Variants in SNX8 observed in about 807,000 individuals in gnomAD.
SNX8 encodes sorting nexin-8.
Under a neutral mutation model 51.6 loss-of-function variants are expected in SNX8, and 25 were observed. That is an observed-to-expected ratio of 0.48 (90% CI 0.35 to 0.68). SNX8 has a LOEUF of 0.68. Ranked by LOEUF, SNX8 falls within the 30% of genes least tolerant of loss-of-function variation. The pLI, the probability that SNX8 is intolerant of heterozygous loss-of-function variation, is 0.00. For synonymous variants in SNX8, 324 were observed against 277.0 expected (o/e 1.17, Z -1.68); for missense variants, 695 against 624.0 (o/e 1.11, Z -1.21).
At position 2,268,266 on chromosome 7, in the gene SNX8, G is replaced by A. The variant is rs1285802800; in HGVS notation, c.621+1293C>T. On this transcript the variant is annotated intron_variant, in intron 5 of 10. Coordinates refer to ENST00000222990, the MANE Select transcript of SNX8 (RefSeq NM_013321.4). Reference sequence around the variant, plus strand: ...TGGGAGGTGAGGAGCGTCTCTGCCCGGCCGCCCCGTCTGAGAAGTGAGGAG... The same window carrying A: ...TGGGAGGTGAGGAGCGTCTCTGCCCAGCCGCCCCGTCTGAGAAGTGAGGAG... 3.5e-5 allele frequency among the ~76,000 whole-genome samples: 5 copies of A among 142,218 alleles called. No homozygotes were observed. The South Asian group carries it at 6.8e-4, about 19-fold the overall frequency. 93.3% of individuals were successfully genotyped at this position (142,218 alleles called of 152,430 possible). A position where few individuals can be genotyped will look rare whatever the true frequency, so the allele number is the denominator to read the frequency against.
At position 2,254,641 on chromosome 7, in the gene SNX8, TGCAGGGCA is replaced by T. The variant is rs1795129952; in HGVS notation, c.*407_*414del. On this transcript the variant is annotated 3_prime_UTR_variant, in exon 11 of 11. Coordinates refer to ENST00000222990, the MANE Select transcript of SNX8 (RefSeq NM_013321.4). The stretch of plus-strand genomic sequence containing the variant: ...TCCGTGGTCAGTCCCATGCCTGGGC[TGCAGGGCA>T]GCCCTGCCCTCTCTCCTCGGCTGAC... The T allele has an allele frequency of 2.5e-5, 5 of 203,374 alleles. No individual in the cohort carries two copies. The South Asian group carries it at 3.9e-4, about 16-fold the overall frequency. The allele number at this position is 203,374 out of a possible 1,614,324, so 12.6% of individuals were successfully genotyped here.
At chr7:2,261,560 T>G (rs1795337308) in intron 7 of SNX8, among the ~76,000 whole-genome samples, 1 of 152,154 alleles carries the variant, frequency 6.6e-6, no homozygotes, top group Non-Finnish European at 1.5e-5. Context: ...AGACACACAA[T>G]GCATAGGGCA....
At chr7:2,281,741 G>C (rs997065717) in intron 1 of SNX8, among the ~76,000 whole-genome samples, 2 of 152,156 alleles carry the variant, frequency 1.3e-5, no homozygotes, top group African/African-American at 4.8e-5. Context: ...ATCTGGCTCA[G>C]AGAGATCCTG....
intron 4 of SNX8, among the ~76,000 whole-genome samples, chr7:2,271,109 T>C (rs1263861807): frequency 6.6e-6 from 1 of 152,100 alleles, no homozygotes; most frequent in Non-Finnish European, 1.5e-5. Flanking sequence ...AGTGGCACAA[T>C]CACAGCTCAC....
In SNX8 at chr7:2,264,516, C is replaced by T. The variant is rs955633819; in HGVS notation, c.622-58G>A. The T allele has an allele frequency of 3.9e-5, 60 of 1,527,530 alleles. 1 individual carries two copies. The highest frequency in any genetic ancestry group is 1.4e-4 in the African/African-American group (10 of 73,412). The allele number at this position is 1,527,530 out of a possible 1,614,324, so 94.6% of individuals were successfully genotyped here. On this transcript the variant is annotated intron_variant, in intron 5 of 10. Transcript: ENST00000222990. ...TAGTCGCTGGGGAGCACCTGTCAGA[C>T]GGCAGCAGCCGGTCCCCCAGAAGCT...
intron 7 of SNX8, among the ~76,000 whole-genome samples, chr7:2,258,994 G>A (rs960131692): frequency 1.3e-5 from 2 of 152,114 alleles, no homozygotes; most frequent in South Asian, 2.1e-4. Flanking sequence ...CGGCCTCCCC[G>A]GCTTACACCA....
At chr7:2,267,197 A>C (rs942877847) in intron 5 of SNX8, among the ~76,000 whole-genome samples, 10 of 152,392 alleles carry the variant, frequency 6.6e-5, no homozygotes, top group Middle Eastern at 3.4e-3. Flanking sequence ...AGATGTCAGC[A>C]TAATCCCTGC....
intron 3 of SNX8, among the ~76,000 whole-genome samples, chr7:2,273,015 T>C (rs1027789813): frequency 6.7e-6 from 1 of 150,146 alleles, no homozygotes; most frequent in Non-Finnish European, 1.5e-5. Flanking sequence ...TATACTTTTA[T>C]TAGAGAGGAG....
chr7:2,265,084 G>T (rs1472372207), intron 5 of SNX8, among the ~76,000 whole-genome samples: 1 of 152,190 alleles, frequency 6.6e-6, no homozygotes, highest in Non-Finnish European at 1.5e-5. Flanking sequence ...GCCGGGCGCA[G>T]TGGCTCACGC....
At chr7:2,276,487 G>A (rs544129436) in intron 2 of SNX8, among the ~76,000 whole-genome samples, 93 of 152,296 alleles carry the variant, frequency 6.1e-4, no homozygotes, top group Non-Finnish European at 1.1e-3. Context: ...CAGAGCAGAC[G>A]GCAGGGAGGG....
intron 1 of SNX8, among the ~76,000 whole-genome samples, chr7:2,289,211 G>A (rs184921140): frequency 3.9e-5 from 6 of 152,200 alleles, no homozygotes; most frequent in Admixed American, 1.3e-4. Flanking sequence ...CCTCTGCTGC[G>A]GGGCATCTGG....
chr7:2,287,710 C>G (rs568174202), intron 1 of SNX8, among the ~76,000 whole-genome samples: 2 of 151,348 alleles, frequency 1.3e-5, no homozygotes, highest in Admixed American at 6.6e-5. Flanking sequence ...GAGATCGCAC[C>G]ACACTGCACT....
chr7:2,313,542 AAAG>A (rs1016335614), intron 1 of SNX8, among the ~76,000 whole-genome samples: 23 of 151,518 alleles, frequency 1.5e-4, no homozygotes, highest in Non-Finnish European at 2.7e-4. Flanking sequence ...AAAAAAAAGA[AAAG>A]AAAAGAAAAA....
rs564116060 is a variant in SNX8, at chr7:2,259,435, C to A, written c.916-1632G>T. 9.8e-5 allele frequency among the ~76,000 whole-genome samples: 15 copies of A among 152,338 alleles called. No individual in the cohort carries two copies. The South Asian group carries it at 2.9e-3, about 29-fold the overall frequency. On this transcript the variant is annotated intron_variant, in intron 7 of 10. Transcript: ENST00000222990. ...GGTAGGGGGTGAAAAGCTCACCCCA[C>A]GCACTGCACGTCAAGCTCAGCAGGA...
intron 1 of SNX8, among the ~76,000 whole-genome samples, chr7:2,328,130 AC>A (rs1778660227): frequency 6.6e-6 from 1 of 151,300 alleles, no homozygotes; most frequent in Non-Finnish European, 1.5e-5. Context: ...GCTCACTGCA[AC>A]CTCTGCCTTT....
chr7:2,261,199 G>A (rs956809902), intron 7 of SNX8, among the ~76,000 whole-genome samples: 4 of 152,206 alleles, frequency 2.6e-5, no homozygotes, highest in Non-Finnish European at 4.4e-5. Context: ...TTGGGAGGCC[G>A]AGGCTGGCGG....
chr7:2,276,974 C>A (rs1339893715), intron 2 of SNX8, among the ~76,000 whole-genome samples: 1 of 152,206 alleles, frequency 6.6e-6, no homozygotes, highest in Non-Finnish European at 1.5e-5. Context: ...AAAGACACAA[C>A]TTTTACCCAG....
chr7:2,333,981 T>G (rs1305873751), intron 1 of SNX8, among the ~76,000 whole-genome samples: 1 of 151,944 alleles, frequency 6.6e-6, no homozygotes, highest in East Asian at 2.0e-4. Context: ...TACAAAAATT[T>G]AAAAATTAGC....
chr7:2,274,541 G>GT (rs1180846408), intron 3 of SNX8, among the ~76,000 whole-genome samples: 1 of 152,270 alleles, frequency 6.6e-6, no homozygotes, highest in Admixed American at 6.5e-5. Context: ...CAGCTCTGAG[G>GT]TCGTCTGCGA....
Sources: gnomAD v4.1 joint callset for allele counts (sites outside exome capture counted in the v4.1 genomes callset) on GRCh38, gnomAD v4.1.1 for gene constraint, MANE v1.5 for transcripts, NCBI Gene and HGNC (gene_info 2026-07-23, HGNC 2026-07-21) for gene names.